The following ASTN2 variants were observed in gnomAD, a reference collection of about 807,000 sequenced individuals.
The protein encoded by ASTN2 is astrotactin 2.
In ASTN2, 54 loss-of-function variants were observed where a neutral mutation model predicts 139.8. The observed-to-expected ratio is 0.39, with a 90% CI of 0.31 to 0.48. The LOEUF is 0.48. ASTN2 is among the 20% of genes least tolerant of loss of function. The probability of loss-of-function intolerance (pLI) is 0.95; values close to 1 mark genes in which losing one functional copy is unlikely to be tolerated. For synonymous variants in ASTN2, 756 were observed against 719.5 expected (o/e 1.05, Z -0.81); for missense variants, 1,565 against 1,725.1 (o/e 0.91, Z 1.64).
chr9:117,302,317 T>C (rs1834897048), intron 1 of ASTN2, among the ~76,000 whole-genome samples: 1 of 152,118 alleles, frequency 6.6e-6, no homozygotes, highest in Non-Finnish European at 1.5e-5. Context: ...ATCCCACCCA[T>C]TTTACTAATA....
intron 17 of ASTN2, among the ~76,000 whole-genome samples, chr9:116,635,691 G>A (rs1408403697): frequency 1.3e-5 from 2 of 152,100 alleles, no homozygotes; most frequent in Non-Finnish European, 2.9e-5. Flanking sequence ...CTGATTTTTG[G>A]AAGACAAGCA....
chr9:116,522,092 G>A (rs1055680100), intron 19 of ASTN2, among the ~76,000 whole-genome samples: 8 of 152,190 alleles, frequency 5.3e-5, no homozygotes, highest in South Asian at 4.1e-4. Context: ...AACCACTATC[G>A]AAAACAATTT....
At chr9:116,980,225 T>A (rs1156750649) in intron 7 of ASTN2, among the ~76,000 whole-genome samples, 1 of 152,062 alleles carries the variant, frequency 6.6e-6, no homozygotes, top group African/African-American at 2.4e-5. Flanking sequence ...GTCCATCTCC[T>A]AGAGCTGATG....
intron 1 of ASTN2, among the ~76,000 whole-genome samples, chr9:117,385,845 T>G (rs993453984): frequency 2.0e-5 from 3 of 152,022 alleles, no homozygotes; most frequent in Non-Finnish European, 2.9e-5. Context: ...GAGTAAAAAA[T>G]TCTCTGCACC....
At chr9:117,013,159 C>T (rs1837580894) in intron 6 of ASTN2, among the ~76,000 whole-genome samples, 3 of 152,016 alleles carry the variant, frequency 2.0e-5, no homozygotes, top group Admixed American at 2.0e-4. Context: ...TGAGAGAGAA[C>T]AAGAGAGAAA....
intron 4 of ASTN2, among the ~76,000 whole-genome samples, chr9:117,097,636 G>T (rs2132757625): frequency 6.6e-6 from 1 of 152,278 alleles, no homozygotes; most frequent in East Asian, 1.9e-4. Flanking sequence ...GGAACAGAGG[G>T]AGGCTACTTT....
At chr9:116,667,462 A>C (rs1858935992) in intron 16 of ASTN2, among the ~76,000 whole-genome samples, 1 of 152,242 alleles carries the variant, frequency 6.6e-6, no homozygotes, top group South Asian at 2.1e-4. Flanking sequence ...ACAAAAAAAC[A>C]AATTGCAGAT....
At chr9:117,139,528 C>T (rs1830024902) in intron 4 of ASTN2, among the ~76,000 whole-genome samples, 1 of 152,148 alleles carries the variant, frequency 6.6e-6, no homozygotes, top group South Asian at 2.1e-4. Context: ...TTTCTTCTGC[C>T]TCAATTTGTG....
At chr9:116,989,077 C>T (rs1836766385) in intron 7 of ASTN2, among the ~76,000 whole-genome samples, 1 of 152,038 alleles carries the variant, frequency 6.6e-6, no homozygotes, top group Non-Finnish European at 1.5e-5. Flanking sequence ...TAAATTAAGC[C>T]AAGAGTAATT....
intron 20 of ASTN2, among the ~76,000 whole-genome samples, chr9:116,470,222 T>C (rs1848770234): frequency 1.3e-5 from 2 of 151,482 alleles, no homozygotes; most frequent in Non-Finnish European, 1.5e-5. Flanking sequence ...AAATAAAAAA[T>C]AAAAAAAATA....
chr9:116,586,505 G>A (rs1175430672), intron 19 of ASTN2, among the ~76,000 whole-genome samples: 1 of 152,138 alleles, frequency 6.6e-6, no homozygotes, highest in Non-Finnish European at 1.5e-5. Context: ...CATAGATGCA[G>A]CTGGAGGCGA....
intron 10 of ASTN2, among the ~76,000 whole-genome samples, chr9:116,910,979 C>A (rs939229855): frequency 6.6e-6 from 1 of 152,102 alleles, no homozygotes; most frequent in African/African-American, 2.4e-5. Context: ...TGCCTTATCA[C>A]CAGAGGTACC....
In ASTN2 at chr9:116,423,284, TATC is replaced by T. The variant is rs1847232506; in HGVS notation, c.*2564_*2566del. 6.6e-6 allele frequency among the ~76,000 whole-genome samples: 1 copy of T among 152,164 alleles called. No individual in the cohort carries two copies. The highest frequency in any genetic ancestry group is 1.9e-4 in the East Asian group (1 of 5,178). On this transcript the variant is annotated 3_prime_UTR_variant, in exon 23 of 23. Coordinates refer to ENST00000313400, the MANE Select transcript of ASTN2 (RefSeq NM_001365068.1). ...TGCATTGGATGCATGTTAACTCCCTTATCATTCAAGCTGGGAAACAACCCCTTG... is the reference window on the plus strand; with the variant it reads ...TGCATTGGATGCATGTTAACTCCCTTATTCAAGCTGGGAAACAACCCCTTG...
At chr9:116,731,958 T>G (rs1273239265) in intron 14 of ASTN2, among the ~76,000 whole-genome samples, 1 of 152,210 alleles carries the variant, frequency 6.6e-6, no homozygotes, top group Non-Finnish European at 1.5e-5. Flanking sequence ...GAGGGAAGAT[T>G]AGACTAGACA....
chr9:116,786,083 G>A (rs112482483), intron 13 of ASTN2, among the ~76,000 whole-genome samples: 4,043 of 152,002 alleles, frequency 0.027, 92 homozygotes, highest in African/African-American at 0.064. Flanking sequence ...TCTATCCACC[G>A]AGGCTCCTTT....
At chr9:117,030,493 A>T (rs560830697) in intron 6 of ASTN2, among the ~76,000 whole-genome samples, 103 of 152,182 alleles carry the variant, frequency 6.8e-4, no homozygotes, top group Non-Finnish European at 1.4e-3. Context: ...ATGAAGGAAA[A>T]TTAGTAATGA....
chr9:117,000,195 G>A (rs1257102501), intron 7 of ASTN2, among the ~76,000 whole-genome samples: 1 of 152,122 alleles, frequency 6.6e-6, no homozygotes, highest in African/African-American at 2.4e-5. Context: ...TCATCCTTAT[G>A]ACAACTCTAA....
At chr9:116,890,752 T>G (rs1346798945) in intron 10 of ASTN2, among the ~76,000 whole-genome samples, 2 of 152,088 alleles carry the variant, frequency 1.3e-5, no homozygotes, top group African/African-American at 4.8e-5. Flanking sequence ...GCTTCTAATA[T>G]TATCTCATTC....
intron 10 of ASTN2, among the ~76,000 whole-genome samples, chr9:116,917,626 G>T (rs745852875): frequency 4.6e-5 from 7 of 152,162 alleles, no homozygotes; most frequent in Non-Finnish European, 1.0e-4. Flanking sequence ...TCTGCAACTT[G>T]CCATGTTCTG....
Sources: allele counts gnomAD v4.1 joint callset (sites outside exome capture counted in the v4.1 genomes callset), GRCh38; gene constraint gnomAD v4.1.1; transcripts MANE v1.5; gene names NCBI Gene and HGNC (gene_info 2026-07-23, HGNC 2026-07-21).